DAB1: variants seen among roughly 807,000 people sequenced by gnomAD.
The protein encoded by DAB1 is DAB adaptor protein 1, also known as disabled homolog 1.
Under a neutral mutation model 64.6 loss-of-function variants are expected in DAB1, and 15 were observed. That is an observed-to-expected ratio of 0.23 (90% CI 0.16 to 0.36). The LOEUF (loss-of-function observed/expected upper bound fraction) is 0.36. Ranked by LOEUF, DAB1 falls within the 10% of genes least tolerant of loss-of-function variation. DAB1 has a pLI of 1.00. For missense variants in DAB1, 596 were observed against 706.7 expected (o/e 0.84, Z 1.78); for synonymous variants, 235 against 251.9 (o/e 0.93, Z 0.64).
intron 5 of DAB1, among the ~76,000 whole-genome samples, chr1:58,088,662 G>A (rs189795551): frequency 6.5e-4 from 99 of 152,292 alleles, no homozygotes; most frequent in Middle Eastern, 6.8e-3. Context: ...AAGGCAGTAG[G>A]ATGTTTACCT....
At chr1:57,977,454 C>A (rs1645947893) in intron 5 of DAB1, among the ~76,000 whole-genome samples, 1 of 152,126 alleles carries the variant, frequency 6.6e-6, no homozygotes, top group South Asian at 2.1e-4. Flanking sequence ...GTCCTACCCG[C>A]AACATTGTAG....
At chr1:57,130,371 C>G (rs1271622679) in intron 4 of DAB1, among the ~76,000 whole-genome samples, 1 of 152,010 alleles carries the variant, frequency 6.6e-6, no homozygotes, top group Non-Finnish European at 1.5e-5. Flanking sequence ...AGAAAAATTA[C>G]TTTAAACTAC....
chr1:57,862,982 T>C (rs1426787032), intron 1 of DAB1: 1 of 152,162 alleles, frequency 6.6e-6, no homozygotes, highest in Admixed American at 6.6e-5. Flanking sequence ...TGTGCACAAA[T>C]GACCGTAGCA....
intron 4 of DAB1, among the ~76,000 whole-genome samples, chr1:58,239,704 C>G (rs1352808882): frequency 6.6e-6 from 1 of 152,194 alleles, no homozygotes; most frequent in Non-Finnish European, 1.5e-5. Context: ...TCCCCCTTGA[C>G]TCTCACAGAG....
chr1:58,025,117 TCA>T (rs144729175), intron 5 of DAB1, among the ~76,000 whole-genome samples: 2 of 148,958 alleles, frequency 1.3e-5, no homozygotes, highest in South Asian at 2.1e-4. Context: ...TTTCACACAC[TCA>T]CACACACACA....
At chr1:58,411,825 T>C (rs1644672252) in intron 3 of DAB1, among the ~76,000 whole-genome samples, 2 of 152,230 alleles carry the variant, frequency 1.3e-5, no homozygotes, top group African/African-American at 4.8e-5. Flanking sequence ...TAATTTACTT[T>C]TGCAAATTTA....
intron 6 of DAB1, among the ~76,000 whole-genome samples, chr1:57,771,033 T>C (rs1414632103): frequency 6.6e-6 from 1 of 152,140 alleles, no homozygotes; most frequent in East Asian, 1.9e-4. Context: ...CCTAGAAACT[T>C]GGAGAGGCGA....
chr1:57,162,552 C>A (rs184524706), intron 2 of DAB1, among the ~76,000 whole-genome samples: 3 of 152,316 alleles, frequency 2.0e-5, no homozygotes, highest in African/African-American at 7.2e-5. Flanking sequence ...TTTGCACGTG[C>A]AACCTGCAAT....
chr1:57,004,302 C>A (rs1645983125), intron 14 of DAB1, among the ~76,000 whole-genome samples: 1 of 152,214 alleles, frequency 6.6e-6, no homozygotes, highest in Non-Finnish European at 1.5e-5. Context: ...TTGGAAGCTA[C>A]CTAAATTGTG....
At chr1:58,457,288 A>T (rs1645201005) in intron 3 of DAB1, among the ~76,000 whole-genome samples, 1 of 152,176 alleles carries the variant, frequency 6.6e-6, no homozygotes, top group Non-Finnish European at 1.5e-5. Flanking sequence ...TCCAAGAAGT[A>T]GCGAGGAAAA....
At chr1:57,439,433 T>TTTTTTTTG (rs1553181976) in intron 7 of DAB1, among the ~76,000 whole-genome samples, 6 of 131,970 alleles carry the variant, frequency 4.5e-5, no homozygotes, top group Non-Finnish European at 6.4e-5. Flanking sequence ...TTCTTTTTTT[T>TTTTTTTTG]TTTTTTTTTT....
At chr1:58,220,899 A>G (rs1435129571) in intron 4 of DAB1, among the ~76,000 whole-genome samples, 2 of 151,572 alleles carry the variant, frequency 1.3e-5, no homozygotes, top group Non-Finnish European at 2.9e-5. Context: ...ACATATATAT[A>G]TTATCAATGT....
At chr1:57,659,188 C>T (rs578106744) in intron 6 of DAB1, among the ~76,000 whole-genome samples, 5 of 152,128 alleles carry the variant, frequency 3.3e-5, no homozygotes, top group Non-Finnish European at 5.9e-5. Flanking sequence ...GGGCAGAAAG[C>T]GGATCTGCTG....
intron 7 of DAB1, among the ~76,000 whole-genome samples, chr1:57,472,714 C>T (rs1440305536): frequency 6.6e-6 from 1 of 152,160 alleles, no homozygotes; most frequent in Admixed American, 6.5e-5. Context: ...ACCCAGGGAG[C>T]TTGGCTCTTG....
intron 4 of DAB1, among the ~76,000 whole-genome samples, chr1:58,247,743 T>G (rs1660613522): frequency 6.6e-6 from 1 of 151,978 alleles, no homozygotes; most frequent in Non-Finnish European, 1.5e-5. Context: ...TCTCTGCTTT[T>G]CCTTCCCTTC....
chr1:58,481,052 C>T lies in DAB1; in HGVS notation n.257+25008G>A, dbSNP rs772858754. Reference sequence around the variant, plus strand: ...GAAGAGTATCCATTTTCTGTTTCTTCGTGATATTTAGGTCTTCTTTCTCTG... The same window carrying T: ...GAAGAGTATCCATTTTCTGTTTCTTTGTGATATTTAGGTCTTCTTTCTCTG... On this transcript the variant is annotated intron_variant and non_coding_transcript_variant, in intron 3 of 20. Transcript: ENST00000485760. 62 of 871,550 alleles carry T rather than the reference C, an allele frequency of 7.1e-5. 1 individual carries two copies. The East Asian group carries it at 1.3e-3, about 18-fold the overall frequency. The allele number at this position is 871,550 out of a possible 1,614,324, so 54.0% of individuals were successfully genotyped here.
intron 4 of DAB1, among the ~76,000 whole-genome samples, chr1:58,214,096 C>T (rs779779471): frequency 6.6e-6 from 1 of 152,144 alleles, no homozygotes; most frequent in Non-Finnish European, 1.5e-5. Flanking sequence ...CTTCATCCAC[C>T]TGCTCCTGAT....
chr1:58,104,221 C>T (rs923966753), intron 5 of DAB1, among the ~76,000 whole-genome samples: 1 of 152,210 alleles, frequency 6.6e-6, no homozygotes, highest in African/African-American at 2.4e-5. Flanking sequence ...AAATCCCAAC[C>T]TCTAGCACAC....
intron 4 of DAB1, among the ~76,000 whole-genome samples, chr1:58,341,950 TA>T (rs1049988019): frequency 5.3e-5 from 8 of 152,182 alleles, no homozygotes; most frequent in African/African-American, 1.9e-4. Flanking sequence ...TTCCAGCATC[TA>T]AGATATATAG....
Sources: allele counts gnomAD v4.1 joint callset (sites outside exome capture counted in the v4.1 genomes callset), GRCh38; gene constraint gnomAD v4.1.1; transcripts MANE v1.5; gene names NCBI Gene and HGNC (gene_info 2026-07-23, HGNC 2026-07-21).